CMTM8: variants seen among roughly 807,000 people sequenced by gnomAD.
The protein encoded by CMTM8 is CKLF like MARVEL transmembrane domain containing 8, also known as CKLF-like MARVEL transmembrane domain-containing protein 8.
Under a neutral mutation model 18.6 loss-of-function variants are expected in CMTM8, and 12 were observed. The ratio of observed to expected loss-of-function variants is 0.65; its 90% CI spans 0.41 to 1.05. CMTM8 has a LOEUF of 1.05. Among genes scored for constraint, CMTM8 ranks in the 50% least tolerant of loss-of-function variants. The pLI is 0.00. For synonymous variants in CMTM8, 87 were observed against 90.6 expected (o/e 0.96, Z 0.23); for missense variants, 217 against 227.2 (o/e 0.95, Z 0.29).
chr3:32,254,388 A>G (rs557177443), intron 1 of CMTM8, among the ~76,000 whole-genome samples: 19 of 152,186 alleles, frequency 1.2e-4, no homozygotes, highest in Non-Finnish European at 2.6e-4. Flanking sequence ...TTATAAGTAC[A>G]TCTTCTATAT....
At chr3:32,284,304 A>G (rs1702646926) in intron 1 of CMTM8, among the ~76,000 whole-genome samples, 1 of 152,228 alleles carries the variant, frequency 6.6e-6, no homozygotes, top group African/African-American at 2.4e-5. Context: ...TTAACAAAAC[A>G]AGAGTGGAAA....
At chr3:32,360,149 C>G (rs1285052062) in intron 2 of CMTM8, among the ~76,000 whole-genome samples, 1 of 152,210 alleles carries the variant, frequency 6.6e-6, no homozygotes, top group Non-Finnish European at 1.5e-5. Context: ...AGTGAGTAAA[C>G]TCAGCATGGT....
chr3:32,248,654 A>G (rs1364493918), intron 1 of CMTM8, among the ~76,000 whole-genome samples: 5 of 149,556 alleles, frequency 3.3e-5, no homozygotes, highest in African/African-American at 1.2e-4. Context: ...ATGAGCCACC[A>G]CACCTGGCCC....
At chr3:32,265,404 A>G (rs1702323739) in intron 1 of CMTM8, among the ~76,000 whole-genome samples, 1 of 152,222 alleles carries the variant, frequency 6.6e-6, no homozygotes, top group Non-Finnish European at 1.5e-5. Context: ...TTTGAAACCA[A>G]CAAGAACAAA....
At chr3:32,284,299 A>G (rs74564857) in intron 1 of CMTM8, among the ~76,000 whole-genome samples, 2,007 of 152,358 alleles carry the variant, frequency 0.013, 120 homozygotes, top group Admixed American at 0.1. Context: ...TAGATTTAAC[A>G]AAACAAGAGT....
intron 1 of CMTM8, among the ~76,000 whole-genome samples, chr3:32,347,440 C>T: frequency 6.6e-6 from 1 of 151,148 alleles, no homozygotes; most frequent in Admixed American, 6.6e-5. Flanking sequence ...TTGGCCACCC[C>T]CCGGCACAGC....
chr3:32,260,731 A>AT (rs1702244617), intron 1 of CMTM8, among the ~76,000 whole-genome samples: 1 of 150,876 alleles, frequency 6.6e-6, no homozygotes, highest in Non-Finnish European at 1.5e-5. Flanking sequence ...GAGCTTTATA[A>AT]TTTTTTTCAC....
chr3:32,294,137 A>G (rs1702831832), intron 1 of CMTM8, among the ~76,000 whole-genome samples: 1 of 152,162 alleles, frequency 6.6e-6, no homozygotes, highest in East Asian at 1.9e-4. Flanking sequence ...TGCCTATCCC[A>G]TAGGTGAGAA....
chr3:32,346,392 CTT>C (rs1696596463), intron 1 of CMTM8, among the ~76,000 whole-genome samples: 1 of 152,222 alleles, frequency 6.6e-6, no homozygotes, highest in Admixed American at 6.5e-5. Flanking sequence ...TACCTTCTCT[CTT>C]AGCTTGGGCT....
At chr3:32,317,782 T>C (rs891719083) in intron 1 of CMTM8, among the ~76,000 whole-genome samples, 1 of 152,100 alleles carries the variant, frequency 6.6e-6, no homozygotes, top group Non-Finnish European at 1.5e-5. Flanking sequence ...GGGCCAGGTG[T>C]GGTTGGCTAA....
intron 1 of CMTM8, among the ~76,000 whole-genome samples, chr3:32,322,184 G>C (rs1259720284): frequency 1.3e-5 from 2 of 152,204 alleles, no homozygotes; most frequent in African/African-American, 4.8e-5. Context: ...TGTATGCCTA[G>C]GGGTTCAAGA....
At position 32,319,057 on chromosome 3, in the gene CMTM8, C is replaced by CATATATATATATATAT. The variant is rs1553605520; in HGVS notation, c.148-38313_148-38298dup. Among the ~76,000 whole-genome samples, 211 of 45,812 alleles carry CATATATATATATATAT rather than the reference C, an allele frequency of 4.6e-3. 13 individuals are homozygous for CATATATATATATATAT. Among genetic ancestry groups the CATATATATATATATAT allele is most frequent in the South Asian group, 9.8e-3 (7 of 712 alleles). 30.1% of individuals were successfully genotyped at this position (45,812 alleles called of 152,430 possible). A position where few individuals can be genotyped will look rare whatever the true frequency, so the allele number is the denominator to read the frequency against. On this transcript the variant is annotated intron_variant, in intron 1 of 3. Coordinates refer to ENST00000307526, the MANE Select transcript of CMTM8 (RefSeq NM_178868.5). ...AAATTTATATATATGTGTGTATATA[C>CATATATATATATATAT]ATATATATATATATATATTTTTTTT...
At chr3:32,277,252 G>A (rs538460530) in intron 1 of CMTM8, among the ~76,000 whole-genome samples, 1 of 152,232 alleles carries the variant, frequency 6.6e-6, no homozygotes, top group East Asian at 1.9e-4. Flanking sequence ...GTTTAATCCT[G>A]ATAAAGGCTA....
At chr3:32,336,257 G>A (rs1696383863) in intron 1 of CMTM8, among the ~76,000 whole-genome samples, 1 of 152,232 alleles carries the variant, frequency 6.6e-6, no homozygotes, top group Non-Finnish European at 1.5e-5. Context: ...GAAGGACAGA[G>A]GTGGAGCTAT....
intron 1 of CMTM8, among the ~76,000 whole-genome samples, chr3:32,348,688 A>G (rs963585117): frequency 1.3e-5 from 2 of 151,564 alleles, no homozygotes; most frequent in East Asian, 1.9e-4. Flanking sequence ...TTTGGTAGAG[A>G]TGGGGTTTTG....
intron 1 of CMTM8, among the ~76,000 whole-genome samples, chr3:32,330,564 A>G (rs1295960283): frequency 2.0e-5 from 3 of 152,206 alleles, no homozygotes; most frequent in African/African-American, 7.2e-5. Context: ...ATAAAGATAG[A>G]CATATAGACC....
intron 1 of CMTM8, among the ~76,000 whole-genome samples, chr3:32,345,609 G>A (rs1371574814): frequency 3.3e-5 from 5 of 151,914 alleles, no homozygotes; most frequent in Admixed American, 2.6e-4. Context: ...AGAAACCTTA[G>A]GTCATTAAAA....
chr3:32,359,529 G>A (rs1385771145), intron 2 of CMTM8, among the ~76,000 whole-genome samples: 1 of 152,268 alleles, frequency 6.6e-6, no homozygotes, highest in Non-Finnish European at 1.5e-5. Flanking sequence ...GACGGAGGTT[G>A]TAATAAGCTG....
intron 1 of CMTM8, among the ~76,000 whole-genome samples, chr3:32,339,170 G>A (rs1210573051): frequency 2.0e-5 from 3 of 152,166 alleles, no homozygotes; most frequent in Non-Finnish European, 4.4e-5. Context: ...AAGAATTTGT[G>A]GGCATATCTT....
Sources: gnomAD v4.1 joint callset for allele counts (sites outside exome capture counted in the v4.1 genomes callset) on GRCh38, gnomAD v4.1.1 for gene constraint, MANE v1.5 for transcripts, NCBI Gene and HGNC (gene_info 2026-07-23, HGNC 2026-07-21) for gene names.